The following MYO9A variants were observed in gnomAD, a reference collection of about 807,000 sequenced individuals.
MYO9A encodes unconventional myosin-IXa.
A neutral mutation model predicts 293.3 loss-of-function variants in MYO9A; 103 were observed. That is an observed-to-expected ratio of 0.35 (90% CI 0.30 to 0.41). The LOEUF (loss-of-function observed/expected upper bound fraction) is 0.41. Ranked by LOEUF, MYO9A falls within the 10% of genes least tolerant of loss-of-function variation. The pLI, the probability that MYO9A is intolerant of heterozygous loss-of-function variation, is 1.00. For synonymous variants in MYO9A, 1,001 were observed against 1,035.7 expected (o/e 0.97, Z 0.64); for missense variants, 2,685 against 3,033.0 (o/e 0.89, Z 2.69).
At chr15:71,864,749 T>C (rs1363712182) in intron 32 of MYO9A, among the ~76,000 whole-genome samples, 1 of 152,156 alleles carries the variant, frequency 6.6e-6, no homozygotes, top group African/African-American at 2.4e-5. Flanking sequence ...ATTATTCTAT[T>C]TACATGAAAT....
chr15:72,022,823 T>C (rs1463290425), intron 4 of MYO9A, among the ~76,000 whole-genome samples: 1 of 152,026 alleles, frequency 6.6e-6, no homozygotes, highest in Non-Finnish European at 1.5e-5. Flanking sequence ...GTGCTGGGAT[T>C]ACAAGCGTGA....
At chr15:71,878,311 G>T in intron 30 of MYO9A, 80 bp from the exon 31 acceptor site, 1 of 965,480 alleles carries the variant, frequency 1.0e-6, no homozygotes, top group South Asian at 2.5e-5. Flanking sequence ...CTTGTAATGG[G>T]GTAGTATTTA....
intron 1 of MYO9A, among the ~76,000 whole-genome samples, chr15:72,093,163 C>T (rs2079969943): frequency 6.6e-6 from 1 of 152,100 alleles, no homozygotes; most frequent in African/African-American, 2.4e-5. Context: ...AAAATAACTG[C>T]TTTCTAAAGT....
Position 71,826,656 on chromosome 15 carries a change from C to A in MYO9A, c.7571G>T (p.Arg2524Leu). The A allele has an allele frequency of 6.2e-7, 1 of 1,612,832 alleles. No individual in the cohort carries two copies. The highest frequency in any genetic ancestry group is 1.1e-5 in the South Asian group (1 of 90,844). The change falls in exon 42 of 42, where the codon CGC becomes CTC. Residue 2524 changes from arginine to leucine, a missense_variant. Coordinates refer to ENST00000356056, the MANE Select transcript of MYO9A (RefSeq NM_006901.4). ...GCAGTCTGGGTCCACAGTTTTTCTG[C>A]GGCCAGACATGACTGTCCCCTCTGG... ...ETPEGTVMSG[R>L]RKTVDPDCTS...
Position 71,875,822 on chromosome 15 carries a change from CT to C in MYO9A, c.5947del (p.Arg1983GlufsTer37). The C allele has an allele frequency of 7.3e-7, 1 of 1,367,442 alleles. No individual in the cohort carries two copies. 84.7% of individuals were successfully genotyped at this position (1,367,442 alleles called of 1,614,324 possible). On this transcript the variant is annotated frameshift_variant, in exon 32 of 42. Transcript: ENST00000356056. LOFTEE classifies it high-confidence loss of function. The part of the protein sequence containing the change: ...CTATKVPKTE[R>X]KKRRKKETDL... ...AGTTTCCTTTTTCCTTCTTTTCTTT[CT>C]TTCTGTTTTTGGCACCTGACAGGGG...
chr15:72,079,697 C>T (rs557731511), intron 1 of MYO9A, among the ~76,000 whole-genome samples: 3 of 152,124 alleles, frequency 2.0e-5, no homozygotes, highest in Non-Finnish European at 2.9e-5. Context: ...TGGAGTGTGT[C>T]CTAATCCATA....
At chr15:71,894,708 T>C (rs1322659740) in intron 25 of MYO9A, among the ~76,000 whole-genome samples, 1 of 152,264 alleles carries the variant, frequency 6.6e-6, no homozygotes, top group African/African-American at 2.4e-5. Flanking sequence ...TGTTAGCTTA[T>C]GAAAATTTAA....
intron 15 of MYO9A, chr15:71,950,445 A>G (rs1053920615): frequency 6.6e-5 from 10 of 152,262 alleles, no homozygotes; most frequent in African/African-American, 2.4e-4. Context: ...TTAAGAGTTA[A>G]TAGAAATTAA....
At chr15:72,076,060 T>G (rs1317728870) in intron 1 of MYO9A, among the ~76,000 whole-genome samples, 1 of 152,096 alleles carries the variant, frequency 6.6e-6, no homozygotes. Flanking sequence ...TCCCAGCACT[T>G]TGCGAGGCTA....
rs148441603 is a variant in MYO9A at position 71,879,822 on chromosome 15, T to G, written c.5638A>C (p.Asn1880His). 4 of 1,611,004 alleles carry G rather than the reference T, an allele frequency of 2.5e-6. No individual in the cohort carries two copies. Among genetic ancestry groups the G allele is most frequent in the Non-Finnish European group, 2.5e-6 (3 of 1,178,010 alleles). Reference protein sequence around the residue: ...FLLKKVNDLDNEDSKKDTLVD... With the variant: ...FLLKKVNDLDHEDSKKDTLVD... ...AGTGTATCCTTCTTGCTGTCTTCAT[T>G]ATCTAGGTCATTCACCTGGGAACCA... is the stretch of plus-strand genomic sequence containing the variant. Residue 1880 changes from asparagine to histidine, a missense_variant, in exon 30 of 42, where the codon AAT (asparagine) becomes CAT (histidine). Physicochemically the swap from Asn to His is moderately conservative, Grantham distance 68. Around this residue, in one of 10 missense-constraint regions of MYO9A, gnomAD observed 1,434 missense variants for 1,497.7 expected, o/e 0.96. Coordinates refer to ENST00000356056, the MANE Select transcript of MYO9A (RefSeq NM_006901.4).
intron 1 of MYO9A, among the ~76,000 whole-genome samples, chr15:72,100,856 T>C (rs1399460090): frequency 6.9e-6 from 1 of 145,212 alleles, no homozygotes; most frequent in African/African-American, 2.6e-5. Context: ...AGCCGCCCCG[T>C]CCGGGAGGGA....
chr15:71,912,453 A>G (rs796626848), intron 19 of MYO9A, among the ~76,000 whole-genome samples: 6 of 152,192 alleles, frequency 3.9e-5, no homozygotes, highest in African/African-American at 1.4e-4. Context: ...ATGGGGATTC[A>G]CCATGTTGGC....
chr15:72,092,109 G>A (rs1204484428), intron 1 of MYO9A, among the ~76,000 whole-genome samples: 1 of 152,190 alleles, frequency 6.6e-6, no homozygotes, highest in Non-Finnish European at 1.5e-5. Flanking sequence ...GAGATAAGCA[G>A]AGCACTGAAG....
intron 22 of MYO9A, 115 bp from the exon 23 acceptor site, chr15:71,901,455 T>C: frequency 9.4e-7 from 1 of 1,061,956 alleles, no homozygotes; most frequent in East Asian, 2.6e-5. Context: ...GTGGCAGGCA[T>C]GTAAATGAAG....
Position 71,897,907 on chromosome 15 carries a change from T to C in MYO9A, c.4596A>G (p.Thr1532=). 6.2e-7 allele frequency: 1 copy of C among 1,614,158 alleles called. No homozygotes were observed. The highest frequency in any genetic ancestry group is 8.5e-7 in the Non-Finnish European group (1 of 1,180,030). Residue 1532 remains threonine, a synonymous_variant, in exon 25 of 42, where the codon ACA becomes ACG. Transcript: ENST00000356056. ...ILEKERKAFK[T]IEKPRIGECL... ...ACTCTCCAATTCTTGGCTTTTCAATTGTCTTGAAGGCTTTGCGCTCCTTCT... is the reference window on the plus strand; with the variant it reads ...ACTCTCCAATTCTTGGCTTTTCAATCGTCTTGAAGGCTTTGCGCTCCTTCT...
chr15:72,023,344 G>A (rs960726829), intron 4 of MYO9A, among the ~76,000 whole-genome samples: 1 of 152,172 alleles, frequency 6.6e-6, no homozygotes, highest in African/African-American at 2.4e-5. Flanking sequence ...TCCTATGGCA[G>A]GCACGGTGGC....
At chr15:71,827,823 G>T in intron 41 of MYO9A, 61 bp downstream of exon 41, 1 of 1,520,938 alleles carries the variant, frequency 6.6e-7, no homozygotes, top group Admixed American at 2.1e-5. Flanking sequence ...CTTAGTTTTG[G>T]AATCTTTATT....
chr15:72,046,714 C>A, intron 1 of MYO9A, 80 bp from the exon 2 acceptor site: 2 of 938,338 alleles, frequency 2.1e-6, no homozygotes, highest in Non-Finnish European at 3.0e-6. Flanking sequence ...GCTTAACAAG[C>A]ATGTTGATTA....
chr15:72,109,929 A>G (rs1238087485), intron 1 of MYO9A, among the ~76,000 whole-genome samples: 1 of 151,662 alleles, frequency 6.6e-6, no homozygotes, highest in Non-Finnish European at 1.5e-5. Flanking sequence ...AGGCAAAAAA[A>G]ATCTAAAAAT....
Sources: gnomAD v4.1 joint callset for allele counts (sites outside exome capture counted in the v4.1 genomes callset) on GRCh38, gnomAD v4.1.1 for gene constraint, gnomAD v4.1.1 regional missense constraint, MANE v1.5 for transcripts, NCBI Gene and HGNC (gene_info 2026-07-23, HGNC 2026-07-21) for gene names.